Variants in FYB2 observed in about 807,000 individuals in gnomAD.
FYB2 encodes the protein FYN binding protein 2.
In FYB2, 103 loss-of-function variants were observed where a neutral mutation model predicts 94.1. That is an observed-to-expected ratio of 1.09 (90% CI 0.93 to 1.29). The LOEUF is 1.29. FYB2 is among the 50% of genes most tolerant of loss of function. FYB2 has a pLI of 0.00. For missense variants in FYB2, 896 were observed against 841.5 expected (o/e 1.06, Z -0.80); for synonymous variants, 293 against 287.9 (o/e 1.02, Z -0.18).
intron 15 of FYB2, among the ~76,000 whole-genome samples, chr1:56,731,026 T>A (rs1235129153): frequency 2.0e-5 from 3 of 152,032 alleles, no homozygotes; most frequent in South Asian, 4.2e-4. Flanking sequence ...TGAATCATGA[T>A]CATGCCACCA....
chr1:56,756,804 G>A (rs1283331579), intron 6 of FYB2, among the ~76,000 whole-genome samples: 2 of 152,164 alleles, frequency 1.3e-5, no homozygotes, highest in Admixed American at 6.5e-5. Context: ...CTATGCACAA[G>A]TGCTATCACA....
intron 7 of FYB2, among the ~76,000 whole-genome samples, chr1:56,755,069 G>A (rs1645293466): frequency 6.6e-6 from 1 of 152,068 alleles, no homozygotes; most frequent in South Asian, 2.1e-4. Context: ...CATCAACCAT[G>A]CTTTTTAAAA....
chr1:56,788,650 T>C (rs1476834136), intron 3 of FYB2, among the ~76,000 whole-genome samples: 2 of 152,182 alleles, frequency 1.3e-5, no homozygotes, highest in African/African-American at 4.8e-5. Flanking sequence ...AAATGGATTG[T>C]GTTGACAACA....
At chr1:56,747,997 C>T (rs1489139110) in intron 9 of FYB2, among the ~76,000 whole-genome samples, 1 of 152,068 alleles carries the variant, frequency 6.6e-6, no homozygotes, top group Non-Finnish European at 1.5e-5. Flanking sequence ...TCTCTAATGA[C>T]CAGTGATGAT....
At chr1:56,724,566 T>C (rs1008445400) in intron 16 of FYB2, among the ~76,000 whole-genome samples, 1 of 152,062 alleles carries the variant, frequency 6.6e-6, no homozygotes, top group Non-Finnish European at 1.5e-5. Context: ...CTCAAATTCA[T>C]TGGTGTATCT....
chr1:56,730,308 A>AGAGGGGAGGGGAGGGAG (rs1644677581), intron 15 of FYB2, among the ~76,000 whole-genome samples: 1 of 121,342 alleles, frequency 8.2e-6, no homozygotes, highest in Non-Finnish European at 1.7e-5. Context: ...GGTGAGAAGG[A>AGAGGGGAGGGGAGGGAG]GAGGGGAGGG....
intron 9 of FYB2, 30 bp downstream of exon 9, chr1:56,751,014 T>A (rs1553158010): frequency 6.2e-7 from 1 of 1,600,068 alleles, no homozygotes; most frequent in South Asian, 1.1e-5. Context: ...ATTGTAATGA[T>A]GAAGAAGATC....
intron 4 of FYB2, among the ~76,000 whole-genome samples, chr1:56,775,821 A>G (rs1190166587): frequency 1.3e-5 from 2 of 152,230 alleles, no homozygotes; most frequent in Admixed American, 6.5e-5. Flanking sequence ...ACTATTAGCT[A>G]GAGACATAAT....
chr1:56,777,722 T>C (rs954561090), intron 4 of FYB2, among the ~76,000 whole-genome samples: 3 of 152,090 alleles, frequency 2.0e-5, no homozygotes, highest in Non-Finnish European at 2.9e-5. Context: ...CTTGAACACA[T>C]GAGGCTGTTT....
intron 15 of FYB2, among the ~76,000 whole-genome samples, chr1:56,727,900 C>G (rs1569862265): frequency 6.6e-6 from 1 of 152,070 alleles, no homozygotes; most frequent in Non-Finnish European, 1.5e-5. Flanking sequence ...GTAGTTCCAG[C>G]TACTTGGAGG....
chr1:56,781,883 C>T (rs1646017096), intron 4 of FYB2, among the ~76,000 whole-genome samples: 1 of 152,134 alleles, frequency 6.6e-6, no homozygotes, highest in Admixed American at 6.5e-5. Context: ...AGTCTTTGTG[C>T]CAGTTATTTT....
At chr1:56,738,478 C>G (rs1644878869) in intron 14 of FYB2, 147 bp downstream of exon 14, 2 of 799,614 alleles carry the variant, frequency 2.5e-6, no homozygotes, top group African/African-American at 1.8e-5. Context: ...TAAAAAAATA[C>G]TTCCGTGTGA....
At chr1:56,732,950 T>A (rs1277874054) in intron 15 of FYB2, among the ~76,000 whole-genome samples, 1 of 151,938 alleles carries the variant, frequency 6.6e-6, no homozygotes, top group Non-Finnish European at 1.5e-5. Context: ...AAGACCTCAG[T>A]AGCACAAGTA....
chr1:56,742,112 A>G, intron 12 of FYB2, 49 bp downstream of exon 12: 1 of 1,520,326 alleles, frequency 6.6e-7, no homozygotes, highest in East Asian at 2.3e-5. Context: ...GCTTTACTAG[A>G]CTAACAGGAA....
chr1:56,719,625 G>A lies in FYB2; in HGVS notation c.*46C>T, dbSNP rs937994768. Reference sequence around the variant, plus strand: ...ATGTAACGCAGGACTAGGATCTTAGGACTAGTTCTCCTTTGTGCAGTCCAT... The same window carrying A: ...ATGTAACGCAGGACTAGGATCTTAGAACTAGTTCTCCTTTGTGCAGTCCAT... On this transcript the variant is annotated 3_prime_UTR_variant, in exon 20 of 20. Transcript: ENST00000343433. The A allele has an allele frequency of 6.5e-7, 1 of 1,528,982 alleles. No individual in the cohort carries two copies. Among genetic ancestry groups the A allele is most frequent in the South Asian group, 1.2e-5 (1 of 83,484 alleles). 94.7% of individuals were successfully genotyped at this position (1,528,982 alleles called of 1,614,324 possible).
At chr1:56,731,174 A>C (rs1047789393) in intron 15 of FYB2, among the ~76,000 whole-genome samples, 6 of 151,922 alleles carry the variant, frequency 3.9e-5, no homozygotes, top group Non-Finnish European at 8.8e-5. Context: ...TCACACACTG[A>C]CCCCTGGGCT....
intron 1 of FYB2, among the ~76,000 whole-genome samples, chr1:56,802,757 C>T (rs1361114440): frequency 6.6e-6 from 1 of 151,766 alleles, no homozygotes; most frequent in Non-Finnish European, 1.5e-5. Flanking sequence ...GTAGGGAACC[C>T]TTCGGTGGAT....
chr1:56,744,474 A>T (rs1645027141), intron 9 of FYB2, among the ~76,000 whole-genome samples: 1 of 152,016 alleles, frequency 6.6e-6, no homozygotes, highest in African/African-American at 2.4e-5. Flanking sequence ...GAGGATAATG[A>T]TGCTAACACC....
chr1:56,822,064 G>A (rs1646996230), upstream of FYB2, among the ~76,000 whole-genome samples: 1 of 152,194 alleles, frequency 6.6e-6, no homozygotes, highest in African/African-American at 2.4e-5. Flanking sequence ...AAGCCAGGAA[G>A]GTTCACTTAA....
Sources: allele counts gnomAD v4.1 joint callset (sites outside exome capture counted in the v4.1 genomes callset), GRCh38; gene constraint gnomAD v4.1.1; transcripts MANE v1.5; gene names NCBI Gene and HGNC (gene_info 2026-07-23, HGNC 2026-07-21).